Variants in CHRM3 observed in about 807,000 individuals in gnomAD.
The protein encoded by CHRM3 is muscarinic acetylcholine receptor M3.
CHRM3 carries 11 observed loss-of-function variants against 41.8 expected under a neutral mutation model. The ratio of observed to expected loss-of-function variants is 0.26; its 90% CI spans 0.17 to 0.44. The LOEUF is 0.44. Ranked by LOEUF, CHRM3 falls within the 20% of genes least tolerant of loss-of-function variation. CHRM3 has a pLI of 1.00. For synonymous variants in CHRM3, 297 were observed against 301.4 expected (o/e 0.99, Z 0.15); for missense variants, 571 against 745.4 (o/e 0.77, Z 2.72).
chr1:239,618,336 C>T (rs1463413657), intron 3 of CHRM3, among the ~76,000 whole-genome samples: 2 of 140,498 alleles, frequency 1.4e-5, no homozygotes, highest in Non-Finnish European at 3.0e-5. Context: ...AAACTAGAAG[C>T]CCAAATGGGA....
At chr1:239,845,169 A>G (rs891827613) in intron 6 of CHRM3, among the ~76,000 whole-genome samples, 1 of 152,200 alleles carries the variant, frequency 6.6e-6, no homozygotes, top group Non-Finnish European at 1.5e-5. Flanking sequence ...CATATGAAAG[A>G]GCCAGTTAAC....
At chr1:239,414,060 G>C (rs565314011) in intron 1 of CHRM3, among the ~76,000 whole-genome samples, 1 of 152,292 alleles carries the variant, frequency 6.6e-6, no homozygotes, top group South Asian at 2.1e-4. Flanking sequence ...CGTTTGTAAA[G>C]CTTCCGTGGT....
chr1:239,857,897 G>T (rs901478822), intron 6 of CHRM3, among the ~76,000 whole-genome samples: 2 of 152,136 alleles, frequency 1.3e-5, no homozygotes, highest in Non-Finnish European at 2.9e-5. Context: ...GACATCTTAT[G>T]TTCTGTTATA....
chr1:239,898,587 AT>A (rs1679210142), intron 6 of CHRM3, among the ~76,000 whole-genome samples: 1 of 152,208 alleles, frequency 6.6e-6, no homozygotes, highest in African/African-American at 2.4e-5. Context: ...ACTTAAAAAA[AT>A]AATTATTATT....
intron 1 of CHRM3, among the ~76,000 whole-genome samples, chr1:239,399,292 G>T (rs898634593): frequency 6.7e-6 from 1 of 150,324 alleles, no homozygotes; most frequent in Non-Finnish European, 1.5e-5. Flanking sequence ...GGTACTTTGT[G>T]AAATGATTAC....
At chr1:239,572,770 A>C (rs1355546162) in intron 3 of CHRM3, among the ~76,000 whole-genome samples, 1 of 152,228 alleles carries the variant, frequency 6.6e-6, no homozygotes, top group Non-Finnish European at 1.5e-5. Context: ...TATGGGATGC[A>C]TATGAAACAT....
At chr1:239,648,599 G>T (rs376585560) in intron 4 of CHRM3, among the ~76,000 whole-genome samples, 1 of 152,052 alleles carries the variant, frequency 6.6e-6, no homozygotes, top group Non-Finnish European at 1.5e-5. Flanking sequence ...GGAGAGGAGC[G>T]AGCAAAAGGG....
At chr1:239,872,392 C>T (rs924784974) in intron 6 of CHRM3, among the ~76,000 whole-genome samples, 1 of 152,198 alleles carries the variant, frequency 6.6e-6, no homozygotes, top group Admixed American at 6.5e-5. Flanking sequence ...TTATACCCAA[C>T]AGACCTGTGG....
At chr1:239,881,036 C>G (rs1677544668) in intron 6 of CHRM3, among the ~76,000 whole-genome samples, 1 of 152,232 alleles carries the variant, frequency 6.6e-6, no homozygotes, top group Non-Finnish European at 1.5e-5. Flanking sequence ...GTCATCCCAG[C>G]ACTTTGGGAG....
intron 2 of CHRM3, among the ~76,000 whole-genome samples, chr1:239,530,988 C>G (rs192483643): frequency 3.2e-4 from 48 of 152,190 alleles, no homozygotes; most frequent in African/African-American, 1.1e-3. Flanking sequence ...CAACGAACTG[C>G]AAGTCAGAGA....
At chr1:239,497,482 C>T (rs966551987) in intron 2 of CHRM3, among the ~76,000 whole-genome samples, 2 of 152,130 alleles carry the variant, frequency 1.3e-5, no homozygotes, top group Non-Finnish European at 1.5e-5. Context: ...ATCTGTTTCC[C>T]CAGTACGTTA....
intron 6 of CHRM3, among the ~76,000 whole-genome samples, chr1:239,848,108 A>G (rs564217107): frequency 1.3e-5 from 2 of 152,288 alleles, no homozygotes; most frequent in East Asian, 1.9e-4. Flanking sequence ...CATTTGCCTA[A>G]TTATAATAGA....
At chr1:239,681,108 A>T (rs115515270) in intron 5 of CHRM3, among the ~76,000 whole-genome samples, 2,415 of 152,246 alleles carry the variant, frequency 0.016, 68 homozygotes, top group African/African-American at 0.055. Context: ...CACAGGAATG[A>T]CCAGTCTCCA....
chr1:239,912,638 CAG>C lies in CHRM3; in HGVS notation c.*3415_*3416del, dbSNP rs1680430587. 1 of 167,144 alleles carries C rather than the reference CAG, an allele frequency of 6.0e-6. No homozygotes were observed. The highest frequency in any genetic ancestry group is 1.5e-5 in the Non-Finnish European group (1 of 68,196). The allele number at this position is 167,144 out of a possible 1,614,324, so 10.4% of individuals were successfully genotyped here. A position where few individuals can be genotyped will look rare whatever the true frequency, so the allele number is the denominator to read the frequency against. Reference sequence around the variant, plus strand: ...ACAGTTGGCTGTTTCAGCTCTGACTCAGGGAGGAAAGAAGGATGCCAAGGCTC... The same window carrying C: ...ACAGTTGGCTGTTTCAGCTCTGACTCGGAGGAAAGAAGGATGCCAAGGCTC... On this transcript the variant is annotated 3_prime_UTR_variant, in exon 7 of 7. Coordinates refer to ENST00000676153, the MANE Select transcript of CHRM3 (RefSeq NM_001375978.1).
intron 5 of CHRM3, among the ~76,000 whole-genome samples, chr1:239,750,619 C>T (rs1221806942): frequency 6.6e-6 from 1 of 152,152 alleles, no homozygotes; most frequent in African/African-American, 2.4e-5. Context: ...CCTAGTCTTG[C>T]GTTAATCACA....
chr1:239,421,643 A>G (rs1661962373), intron 1 of CHRM3, among the ~76,000 whole-genome samples: 1 of 152,180 alleles, frequency 6.6e-6, no homozygotes, highest in Non-Finnish European at 1.5e-5. Flanking sequence ...TAACTGATCT[A>G]TCATTCTTAA....
intron 6 of CHRM3, among the ~76,000 whole-genome samples, chr1:239,848,047 C>G (rs896585536): frequency 6.8e-6 from 1 of 146,814 alleles, no homozygotes; most frequent in Non-Finnish European, 1.5e-5. Flanking sequence ...CACCATTTAA[C>G]ACAGTCTTCA....
At chr1:239,640,963 G>A (rs1453352732) in intron 4 of CHRM3, among the ~76,000 whole-genome samples, 2 of 150,840 alleles carry the variant, frequency 1.3e-5, no homozygotes, top group Non-Finnish European at 3.0e-5. Context: ...CTGGTATGTT[G>A]TGTCTTTGTT....
chr1:239,718,506 A>C (rs1418989787), intron 5 of CHRM3, among the ~76,000 whole-genome samples: 1 of 152,046 alleles, frequency 6.6e-6, no homozygotes, highest in East Asian at 1.9e-4. Context: ...ACTCTGGGTC[A>C]GGAGTAATAT....
Sources: gnomAD v4.1 joint callset for allele counts (sites outside exome capture counted in the v4.1 genomes callset) on GRCh38, gnomAD v4.1.1 for gene constraint, MANE v1.5 for transcripts, NCBI Gene and HGNC (gene_info 2026-07-23, HGNC 2026-07-21) for gene names.